POLR2L: variants seen among roughly 807,000 people sequenced by gnomAD.
The protein encoded by POLR2L is DNA-directed RNA polymerases I, II, and III subunit RPABC5.
Under a neutral mutation model 6.8 loss-of-function variants are expected in POLR2L, and 7 were observed. The ratio of observed to expected loss-of-function variants is 1.03; its 90% CI spans 0.59 to 1.94. The LOEUF is 1.94. POLR2L is among the 30% of genes most tolerant of loss of function. The probability of loss-of-function intolerance (pLI) is 0.00; values close to 1 mark genes in which losing one functional copy is unlikely to be tolerated. For synonymous variants in POLR2L, 59 were observed against 39.8 expected, an observed-to-expected ratio of 1.48 and a Z score of -1.82; for missense variants, 93 against 86.7, an observed-to-expected ratio of 1.07 and a Z score of -0.29.
chr11:840,518 C>G (rs1293958741), intron 1 of POLR2L, 38 bp from the exon 2 acceptor site: 1 of 1,428,974 alleles, frequency 7.0e-7, no homozygotes, highest in East Asian at 2.3e-5. Context: ...ACTGAGTTCT[C>G]TACGGTCTGC....
Position 840,097 on chromosome 11 carries a change from C to G in POLR2L, c.*275G>C, listed in dbSNP as rs1214748002. On this transcript the variant is annotated 3_prime_UTR_variant, in exon 2 of 2. Coordinates refer to ENST00000322028, the MANE Select transcript of POLR2L (RefSeq NM_021128.5). ...GGGGTGCCTGTGGAACAGGCTGGCC[C>G]CAGGGCTAGGAGAGTTCATGGCCCA... 1.7e-5 allele frequency: 6 copies of G among 347,520 alleles called. No individual in the cohort carries two copies. The Admixed American group carries it at 2.3e-4, about 13-fold the overall frequency. The allele number at this position is 347,520 out of a possible 1,614,324, so 21.5% of individuals were successfully genotyped here.
chr11:841,419 C>G (rs1052558060), intron 1 of POLR2L, among the ~76,000 whole-genome samples: 2 of 152,156 alleles, frequency 1.3e-5, no homozygotes, highest in Admixed American at 6.5e-5. Context: ...GCAAGTCTAC[C>G]CTGCATTTCT....
Position 839,939 on chromosome 11 carries a change from C to T in POLR2L, c.*433G>A, listed in dbSNP as rs560999799. 8.9e-5 allele frequency: 14 copies of T among 156,508 alleles called. No individual in the cohort carries two copies. Among genetic ancestry groups the T allele is most frequent in the Admixed American group, 1.3e-4 (2 of 15,522 alleles). 9.7% of individuals were successfully genotyped at this position (156,508 alleles called of 1,614,324 possible). ...GATTATAGGGGTGAGCCCCTTTGCC[C>T]GGCCTAAATCTGGCTCTTCAGATTC... On this transcript the variant is annotated 3_prime_UTR_variant, in exon 2 of 2. Coordinates refer to ENST00000322028, the MANE Select transcript of POLR2L (RefSeq NM_021128.5).
chr11:840,473 G>A lies in POLR2L; in HGVS notation c.103C>T (p.Leu35=), dbSNP rs780168319. The change falls in exon 2 of 2, where the codon CTG becomes TTG. Residue 35 remains leucine (L), a synonymous_variant. Transcript: ENST00000322028. ...LQAEYTEGDA[L]DALGLKRYCC... ...TAGCGCTTCAGGCCCAGGGCATCCA[G>A]CGCATCCCTGTGTCGAGGGGAGGAG... The A allele has an allele frequency of 6.2e-7, 1 of 1,608,828 alleles. No homozygotes were observed. The highest frequency in any genetic ancestry group is 8.5e-7 in the Non-Finnish European group (1 of 1,177,470).
rs1244552737 is a variant in POLR2L, at chr11:839,912, G to C, written c.*460C>G. The C allele has an allele frequency of 6.5e-6, 1 of 154,174 alleles. No individual in the cohort carries two copies. Among genetic ancestry groups the C allele is most frequent in the African/African-American group, 2.4e-5 (1 of 41,518 alleles). The allele number at this position is 154,174 out of a possible 1,614,324, so 9.6% of individuals were successfully genotyped here. A position where few individuals can be genotyped will look rare whatever the true frequency, so the allele number is the denominator to read the frequency against. On this transcript the variant is annotated 3_prime_UTR_variant, in exon 2 of 2. Transcript: ENST00000322028. ...TCCTGCCTTGGCCTCCCAAAGTCCT[G>C]GGATTATAGGGGTGAGCCCCTTTGC... is the stretch of plus-strand genomic sequence containing the variant.
chr11:842,167 A>G (rs1846988781), intron 1 of POLR2L, among the ~76,000 whole-genome samples: 1 of 152,204 alleles, frequency 6.6e-6, no homozygotes, highest in Admixed American at 6.5e-5. Flanking sequence ...GCCACCTAGA[A>G]TCCCCAGGAC....
At chr11:842,155 A>C (rs1846988256) in intron 1 of POLR2L, among the ~76,000 whole-genome samples, 1 of 152,208 alleles carries the variant, frequency 6.6e-6, no homozygotes, top group Non-Finnish European at 1.5e-5. Flanking sequence ...GCGACCCGCC[A>C]GGCCACCTAG....
rs1477385716 is a variant in POLR2L at position 840,444 on chromosome 11, G to A, written c.132C>T (p.Cys44=). The part of the protein sequence containing the change: ...ALDALGLKRY[C]CRRMLLAHVD... ...CGTGGGCCAGCAGCATCCGGCGGCA[G>A]CAGTAGCGCTTCAGGCCCAGGGCAT... Residue 44 remains cysteine (C), a synonymous_variant, in exon 2 of 2, where the codon TGC becomes TGT. Transcript: ENST00000322028. 6.2e-7 allele frequency: 1 copy of A among 1,612,060 alleles called. No individual in the cohort carries two copies. The highest frequency in any genetic ancestry group is 1.1e-5 in the South Asian group (1 of 91,068).
intron 1 of POLR2L, among the ~76,000 whole-genome samples, chr11:842,073 T>G (rs566752097): frequency 1.4e-5 from 2 of 147,194 alleles, no homozygotes; most frequent in South Asian, 4.6e-4. Flanking sequence ...TTGCAGGACA[T>G]GGGGTGGGCC....
At chr11:841,562 C>T (rs560719431) in intron 1 of POLR2L, among the ~76,000 whole-genome samples, 1 of 152,302 alleles carries the variant, frequency 6.6e-6, no homozygotes, top group South Asian at 2.1e-4. Context: ...CTCAGCCTCC[C>T]AAGTAGCTGG....
chr11:841,150 C>T (rs1416342514), intron 1 of POLR2L, among the ~76,000 whole-genome samples: 1 of 152,212 alleles, frequency 6.6e-6, no homozygotes, highest in Non-Finnish European at 1.5e-5. Flanking sequence ...CGTTCCTATC[C>T]GGGGAAAGGG....
At chr11:840,931 C>CT (rs1420573405) in intron 1 of POLR2L, among the ~76,000 whole-genome samples, 1 of 152,182 alleles carries the variant, frequency 6.6e-6, no homozygotes, top group Non-Finnish European at 1.5e-5. Context: ...GCTGTGGGGT[C>CT]TTTCCTCACC....
chr11:840,550 A>C, intron 1 of POLR2L, 70 bp from the exon 2 acceptor site: 1 of 1,098,188 alleles, frequency 9.1e-7, no homozygotes, highest in Non-Finnish European at 1.4e-6. Context: ...GCCCACATCC[A>C]ACCTGCCTCT....
chr11:842,130 G>C (rs1846987557), intron 1 of POLR2L, among the ~76,000 whole-genome samples: 1 of 152,214 alleles, frequency 6.6e-6, no homozygotes, highest in East Asian at 1.9e-4. Context: ...CTTTACTGCG[G>C]GTGACAAGAC....
At chr11:840,778 T>C (rs886422944) in intron 1 of POLR2L, among the ~76,000 whole-genome samples, 1 of 152,130 alleles carries the variant, frequency 6.6e-6, no homozygotes, top group African/African-American at 2.4e-5. Context: ...ACGAAGTAAT[T>C]GCGGGGAGCT....
In POLR2L at chr11:840,467, C is replaced by T; in HGVS notation, c.109G>A (p.Ala37Thr). The change falls in exon 2 of 2, where the codon GCC becomes ACC. Residue 37 changes from alanine (A) to threonine (T), a missense_variant. Ala to Thr is a moderately conservative substitution (Grantham distance 58). Coordinates refer to ENST00000322028, the MANE Select transcript of POLR2L (RefSeq NM_021128.5). ...AEYTEGDALD[A>T]LGLKRYCCRR... is the part of the protein sequence containing the mutation. ...CAGCAGTAGCGCTTCAGGCCCAGGG[C>T]ATCCAGCGCATCCCTGTGTCGAGGG... 1.2e-6 allele frequency: 2 copies of T among 1,609,646 alleles called. No individual in the cohort carries two copies. Among genetic ancestry groups the T allele is most frequent in the South Asian group, 1.1e-5 (1 of 91,038 alleles).
chr11:840,972 TCTC>T (rs1288044911), intron 1 of POLR2L, among the ~76,000 whole-genome samples: 2 of 151,950 alleles, frequency 1.3e-5, no homozygotes, highest in East Asian at 3.9e-4. Context: ...AGAGACTGCT[TCTC>T]CACGGAGCCA....
rs377684048 is a variant in POLR2L, at chr11:840,325, G to A, written c.*47C>T. On this transcript the variant is annotated 3_prime_UTR_variant, in exon 2 of 2. Transcript: ENST00000322028. ...CAGCCTCGTGAATTCGGGGCAGGAC[G>A]CTCAGGGCCCATGGTCAGCACAGCG... is the stretch of plus-strand genomic sequence containing the variant. 8.7e-6 allele frequency: 11 copies of A among 1,263,782 alleles called. No individual in the cohort carries two copies. The African/African-American group carries it at 1.2e-4, about 14-fold the overall frequency. The allele number at this position is 1,263,782 out of a possible 1,614,324, so 78.3% of individuals were successfully genotyped here.
chr11:840,584 C>CAG, intron 1 of POLR2L, 104 bp from the exon 2 acceptor site: 5 of 727,820 alleles, frequency 6.9e-6, no homozygotes, highest in Non-Finnish European at 1.2e-5. Context: ...CCTCACCCCC[C>CAG]CCGCCACCGG....
Sources: allele counts gnomAD v4.1 joint callset (sites outside exome capture counted in the v4.1 genomes callset), GRCh38; gene constraint gnomAD v4.1.1; transcripts MANE v1.5; gene names NCBI Gene and HGNC (gene_info 2026-07-23, HGNC 2026-07-21).